The following CELF5 variants were observed in gnomAD, a reference collection of about 807,000 sequenced individuals.
CELF5 encodes the protein CUGBP Elav-like family member 5.
In CELF5, 6 loss-of-function variants were observed where a neutral mutation model predicts 54.9. The observed-to-expected ratio is 0.11, with a 90% CI of 0.06 to 0.22. The LOEUF (loss-of-function observed/expected upper bound fraction) is 0.22, where lower values mean the gene tolerates loss of function less well. CELF5 is among the 10% of genes least tolerant of loss of function. The pLI, the probability that CELF5 is intolerant of heterozygous loss-of-function variation, is 1.00. For missense variants in CELF5, 401 were observed against 678.6 expected, an observed-to-expected ratio of 0.59 and a Z score of 4.54; for synonymous variants, 271 against 290.9, an observed-to-expected ratio of 0.93 and a Z score of 0.70.
chr19:3,255,008 C>A (rs932565479), intron 2 of CELF5, among the ~76,000 whole-genome samples: 12 of 151,724 alleles, frequency 7.9e-5, no homozygotes, highest in African/African-American at 2.9e-4. Context: ...ATCCATTCAC[C>A]CATCTACACT....
chr19:3,237,311 CAAAA>C (rs1182124877), intron 1 of CELF5, among the ~76,000 whole-genome samples: 3 of 42,252 alleles, frequency 7.1e-5, no homozygotes, highest in Non-Finnish European at 1.3e-4. Context: ...GACTCCGTCT[CAAAA>C]AAAAAAAAAA....
chr19:3,272,112 A>C (rs748442075), intron 2 of CELF5, among the ~76,000 whole-genome samples: 2 of 152,224 alleles, frequency 1.3e-5, no homozygotes, highest in Non-Finnish European at 2.9e-5. Flanking sequence ...TCACGCCTGT[A>C]ATCCCAGCAA....
intron 11 of CELF5, among the ~76,000 whole-genome samples, chr19:3,292,694 A>G (rs893598460): frequency 2.0e-5 from 3 of 152,112 alleles, no homozygotes; most frequent in East Asian, 1.9e-4. Flanking sequence ...GAGGAAGAAA[A>G]GACTCAAGCT....
At chr19:3,232,174 C>T (rs767625360) in intron 1 of CELF5, among the ~76,000 whole-genome samples, 16 of 152,074 alleles carry the variant, frequency 1.1e-4, no homozygotes, top group Non-Finnish European at 1.9e-4. Context: ...AAAAAGTCAC[C>T]TCATCTTTTC....
chr19:3,239,229 A>T (rs1466407988), intron 1 of CELF5, among the ~76,000 whole-genome samples: 1 of 151,846 alleles, frequency 6.6e-6, no homozygotes, highest in Admixed American at 6.6e-5. Context: ...CCCGTTTAGT[A>T]GCTGGAACTA....
At chr19:3,234,838 C>A (rs773309259) in intron 1 of CELF5, among the ~76,000 whole-genome samples, 2 of 152,110 alleles carry the variant, frequency 1.3e-5, no homozygotes, top group Non-Finnish European at 2.9e-5. Flanking sequence ...GCCCCCTCAT[C>A]CCTCACCTGG....
intron 8 of CELF5, among the ~76,000 whole-genome samples, chr19:3,283,952 C>T (rs1195538004): frequency 6.6e-6 from 1 of 151,812 alleles, no homozygotes; most frequent in Admixed American, 6.6e-5. Flanking sequence ...CACCTCTCAC[C>T]TCAGCCTCCC....
chr19:3,262,025 T>A (rs1042308876), intron 2 of CELF5, among the ~76,000 whole-genome samples: 1 of 152,050 alleles, frequency 6.6e-6, no homozygotes, highest in Admixed American at 6.6e-5. Flanking sequence ...ATTTTTAAAA[T>A]TCATTTATTT....
intron 9 of CELF5, among the ~76,000 whole-genome samples, 170 bp downstream of exon 9, chr19:3,285,134 G>A (rs921124271): frequency 1.4e-5 from 2 of 141,092 alleles, no homozygotes; most frequent in African/African-American, 5.3e-5. Context: ...ATTCAACCCC[G>A]GGCCCTGTTA....
intron 2 of CELF5, among the ~76,000 whole-genome samples, chr19:3,271,717 G>T (rs1486741332): frequency 6.6e-6 from 1 of 152,136 alleles, no homozygotes; most frequent in Non-Finnish European, 1.5e-5. Context: ...AAGCTGAGGG[G>T]GTGGGAGGTG....
chr19:3,238,797 G>A (rs1207935805), intron 1 of CELF5, among the ~76,000 whole-genome samples: 3 of 152,100 alleles, frequency 2.0e-5, no homozygotes, highest in South Asian at 4.1e-4. Context: ...AGGGTGTGGC[G>A]GCGGGTGCCT....
chr19:3,245,117 ATGTG>A (rs1188316170), intron 1 of CELF5, among the ~76,000 whole-genome samples: 2 of 125,104 alleles, frequency 1.6e-5, no homozygotes, highest in African/African-American at 3.1e-5. Flanking sequence ...GCACCTGTGC[ATGTG>A]TGTGTGTAGT....
chr19:3,235,321 T>C (rs940661454), intron 1 of CELF5, among the ~76,000 whole-genome samples: 6 of 152,154 alleles, frequency 3.9e-5, no homozygotes, highest in Admixed American at 3.9e-4. Context: ...TCCTTTTTTT[T>C]TTCCTGTGCA....
intron 11 of CELF5, among the ~76,000 whole-genome samples, chr19:3,293,022 G>T (rs780976620): frequency 6.6e-6 from 1 of 152,168 alleles, no homozygotes; most frequent in South Asian, 2.1e-4. Context: ...GTGGGGAAAA[G>T]GTGGCCCTCC....
rs536643557 is a variant in CELF5, at chr19:3,295,714, C to T, written c.*41-1044C>T. ...CCAGACCCCACCTCGCCCCTTCGTC[C>T]CAGAGCCCTGCCCTCCGGGATGGAT... On this transcript the variant is annotated intron_variant, in intron 12 of 12. Coordinates refer to ENST00000292672, the MANE Select transcript of CELF5 (RefSeq NM_021938.4). 2.0e-4 allele frequency: 30 copies of T among 153,262 alleles called. No homozygotes were observed. The South Asian group carries it at 5.8e-3, about 29-fold the overall frequency. 9.5% of individuals were successfully genotyped at this position (153,262 alleles called of 1,614,324 possible). A position where few individuals can be genotyped will look rare whatever the true frequency, so the allele number is the denominator to read the frequency against.
chr19:3,273,880 G>C lies in CELF5; in HGVS notation c.351G>C (p.Arg117=). The C allele has an allele frequency of 2.5e-6, 4 of 1,613,646 alleles. No homozygotes were observed. The highest frequency in any genetic ancestry group is 1.3e-5 in the African/African-American group (1 of 75,054). ...TCCCCCTCTCTCTGCAGATGGCGCG[G>C]CCAATCCAGGTGAAGCCTGCGGACA... is the stretch of plus-strand genomic sequence containing the variant. The part of the protein sequence containing the change: ...HEQKTLPGMA[R]PIQVKPADSE... The change falls in exon 3 of 13, where the codon CGG becomes CGC. Residue 117 remains arginine (R), a synonymous_variant. Coordinates refer to ENST00000292672, the MANE Select transcript of CELF5 (RefSeq NM_021938.4).
At chr19:3,254,349 T>G (rs8104719) in intron 2 of CELF5, among the ~76,000 whole-genome samples, 30,292 of 151,590 alleles carry the variant, frequency 0.2, 3,467 homozygotes, top group East Asian at 0.54. Context: ...TACCTGCCTA[T>G]CCATTCATTC....
At chr19:3,265,425 A>G (rs1036935791) in intron 2 of CELF5, among the ~76,000 whole-genome samples, 1 of 152,220 alleles carries the variant, frequency 6.6e-6, no homozygotes, top group Non-Finnish European at 1.5e-5. Flanking sequence ...TGCTCTCTGC[A>G]GAGCAGGGCC....
intron 2 of CELF5, among the ~76,000 whole-genome samples, chr19:3,253,591 A>G (rs2079679975): frequency 6.6e-6 from 1 of 152,150 alleles, no homozygotes; most frequent in Non-Finnish European, 1.5e-5. Context: ...CATCATTTCC[A>G]CCACATTCTA....
Sources: allele counts gnomAD v4.1 joint callset (sites outside exome capture counted in the v4.1 genomes callset), GRCh38; gene constraint gnomAD v4.1.1; transcripts MANE v1.5; gene names NCBI Gene and HGNC (gene_info 2026-07-23, HGNC 2026-07-21).